PCDHA5: variants seen among roughly 807,000 people sequenced by gnomAD.
PCDHA5 encodes protocadherin alpha 5, also known as protocadherin alpha-5.
In PCDHA5, 43 loss-of-function variants were observed where a neutral mutation model predicts 61.6. The ratio of observed to expected loss-of-function variants is 0.70; its 90% CI spans 0.55 to 0.90. The LOEUF (loss-of-function observed/expected upper bound fraction) is 0.90. Ranked by LOEUF, PCDHA5 falls within the 40% of genes least tolerant of loss-of-function variation. The pLI is 0.00. For synonymous variants in PCDHA5, 627 were observed against 543.9 expected (o/e 1.15, Z -2.13); for missense variants, 1,298 against 1,222.7 (o/e 1.06, Z -0.92).
At chr5:140,891,419 C>T (rs925275455) in intron 1 of PCDHA5, among the ~76,000 whole-genome samples, 1 of 147,378 alleles carries the variant, frequency 6.8e-6, no homozygotes, top group African/African-American at 2.5e-5. Flanking sequence ...CACTCTTGCC[C>T]CCAAGTCCCC....
chr5:140,828,395 T>G (rs2150154889), intron 1 of PCDHA5: 3 of 1,614,172 alleles, frequency 1.9e-6, no homozygotes, highest in South Asian at 2.2e-5. Context: ...GAGCGCGGAG[T>G]GCAGCATCCA....
In PCDHA5 at chr5:140,870,563, C is replaced by G. The variant is rs1333019449; in HGVS notation, c.2352+46436C>G. The G allele has an allele frequency of 6.2e-6, 10 of 1,613,994 alleles. No individual in the cohort carries two copies. Among genetic ancestry groups the G allele is most frequent in the Non-Finnish European group, 8.5e-6 (10 of 1,179,984 alleles). ...CGGGACGCGGACGCGCAGGAGAACG[C>G]GCTGGTGTCCTACTCGCTGGTGGAG... On this transcript the variant is annotated intron_variant, in intron 1 of 3. Transcript: ENST00000529859.
chr5:140,883,740 C>G (rs2059789153), intron 1 of PCDHA5: 1 of 1,613,368 alleles, frequency 6.2e-7, no homozygotes, highest in Non-Finnish European at 8.5e-7. Context: ...GCGCTGGTCT[C>G]CTACTCGCTG....
chr5:140,915,006 C>A (rs958050012), intron 1 of PCDHA5, among the ~76,000 whole-genome samples: 2 of 149,102 alleles, frequency 1.3e-5, no homozygotes, highest in African/African-American at 5.0e-5. Flanking sequence ...AGTGCAGTGG[C>A]CTGATCTTGG....
Position 140,830,475 on chromosome 5 carries a change from A to G in PCDHA5, c.2352+6348A>G, listed in dbSNP as rs2150187028. Reference sequence around the variant, plus strand: ...GAGAATCAGGATTTAAATGAAGATCATGATGCCAAAGTAAGTGAATTTTCA... The same window carrying G: ...GAGAATCAGGATTTAAATGAAGATCGTGATGCCAAAGTAAGTGAATTTTCA... On this transcript the variant is annotated intron_variant, in intron 1 of 3. Coordinates refer to ENST00000529859, the MANE Select transcript of PCDHA5 (RefSeq NM_018908.3). 8.3e-5 allele frequency: 129 copies of G among 1,550,270 alleles called. No individual in the cohort carries two copies. The highest frequency in any genetic ancestry group is 9.5e-5 in the Non-Finnish European group (109 of 1,144,322).
chr5:140,968,135 G>C (rs2096222877), intron 1 of PCDHA5: 2 of 1,614,034 alleles, frequency 1.2e-6, no homozygotes, highest in Non-Finnish European at 1.7e-6. Flanking sequence ...TACACTGAAG[G>C]TTGAGATCTC....
intron 1 of PCDHA5, chr5:140,825,247 C>A (rs1768490028): frequency 6.6e-6 from 1 of 150,876 alleles, no homozygotes; most frequent in Non-Finnish European, 1.5e-5. Context: ...CTATGGTGTT[C>A]CATTGTGTAG....
intron 1 of PCDHA5, chr5:140,852,892 T>C: frequency 1.1e-6 from 1 of 911,000 alleles, no homozygotes; most frequent in Non-Finnish European, 1.3e-6. Context: ...CGTATTTTTT[T>C]TTTTGAGTCA....
At chr5:140,937,174 A>G (rs1449263512) in intron 1 of PCDHA5, among the ~76,000 whole-genome samples, 1 of 151,302 alleles carries the variant, frequency 6.6e-6, no homozygotes, top group Non-Finnish European at 1.5e-5. Flanking sequence ...AGTAGCTGGG[A>G]CTACAGGCGC....
intron 1 of PCDHA5, chr5:140,862,894 T>A (rs251369): frequency 0.66 from 367,469 of 559,470 alleles, 121,120 homozygotes; most frequent in Middle Eastern, 0.71. Flanking sequence ...AACGACAACT[T>A]TGTCTGCGCT....
chr5:140,995,367 T>G (rs2153932865), intron 3 of PCDHA5, among the ~76,000 whole-genome samples: 1 of 152,280 alleles, frequency 6.6e-6, no homozygotes, highest in East Asian at 1.9e-4. Context: ...AGAGGGATGA[T>G]TCACGTACTG....
chr5:140,850,855 G>A (rs1484311028), intron 1 of PCDHA5: 1 of 1,595,156 alleles, frequency 6.3e-7, no homozygotes, highest in Non-Finnish European at 8.6e-7. Flanking sequence ...GAGCGAACGG[G>A]AGAACCCTCT....
At chr5:140,836,216 G>A in intron 1 of PCDHA5, 1 of 1,613,840 alleles carries the variant, frequency 6.2e-7, no homozygotes, top group Non-Finnish European at 8.5e-7. Flanking sequence ...CGTATGAGTT[G>A]CAACCGGTGG....
intron 1 of PCDHA5, among the ~76,000 whole-genome samples, chr5:140,879,372 G>T (rs1434937494): frequency 1.3e-5 from 2 of 152,172 alleles, no homozygotes; most frequent in African/African-American, 4.8e-5. Context: ...CCAACCTGCA[G>T]AACAAGGTTG....
chr5:140,883,332 T>A, intron 1 of PCDHA5: 1 of 1,614,174 alleles, frequency 6.2e-7, no homozygotes, highest in East Asian at 2.2e-5. Context: ...ATCACTTCTT[T>A]GTCACTCCCC....
intron 1 of PCDHA5, among the ~76,000 whole-genome samples, chr5:140,961,366 C>T (rs1384222732): frequency 6.6e-6 from 1 of 152,144 alleles, no homozygotes; most frequent in Non-Finnish European, 1.5e-5. Context: ...CATTAGAATT[C>T]TCCTTCTAGT....
chr5:140,976,486 G>C (rs782708902), intron 1 of PCDHA5, among the ~76,000 whole-genome samples: 1 of 152,078 alleles, frequency 6.6e-6, no homozygotes, highest in Non-Finnish European at 1.5e-5. Flanking sequence ...GGGAGGCAGA[G>C]GTTGCAGGGA....
At chr5:140,885,930 A>AT (rs1188534786) in intron 1 of PCDHA5, among the ~76,000 whole-genome samples, 1 of 152,104 alleles carries the variant, frequency 6.6e-6, no homozygotes, top group African/African-American at 2.4e-5. Flanking sequence ...CTGTTTATCT[A>AT]TTTTTTGACA....
intron 1 of PCDHA5, chr5:140,852,361 T>A (rs1235352793): frequency 4.9e-6 from 1 of 205,518 alleles, no homozygotes; most frequent in East Asian, 1.9e-4. Context: ...CACTGCAACG[T>A]CTGCCTCCTG....
Sources: allele counts gnomAD v4.1 joint callset (sites outside exome capture counted in the v4.1 genomes callset), GRCh38; gene constraint gnomAD v4.1.1; transcripts MANE v1.5; gene names NCBI Gene and HGNC (gene_info 2026-07-23, HGNC 2026-07-21).